The following DSCAM variants were observed in gnomAD, a reference collection of about 807,000 sequenced individuals.
The protein encoded by DSCAM is cell adhesion molecule DSCAM.
In DSCAM, 47 loss-of-function variants were observed where a neutral mutation model predicts 217.7. The observed-to-expected ratio is 0.22, with a 90% CI of 0.17 to 0.28. DSCAM has a LOEUF of 0.28. DSCAM is among the 10% of genes least tolerant of loss of function. The pLI is 1.00. For synonymous variants in DSCAM, 1,056 were observed against 1,015.3 expected, an observed-to-expected ratio of 1.04 and a Z score of -0.76; for missense variants, 2,080 against 2,618.3, an observed-to-expected ratio of 0.79 and a Z score of 4.49.
At chr21:40,244,803 C>T (rs1332802550) in intron 11 of DSCAM, among the ~76,000 whole-genome samples, 3 of 152,128 alleles carry the variant, frequency 2.0e-5, no homozygotes, top group African/African-American at 7.2e-5. Flanking sequence ...CTCCAGAAGC[C>T]AGGGGGTGGG....
At position 40,780,103 on chromosome 21, in the gene DSCAM, C is replaced by A. The variant is rs189978366; in HGVS notation, c.43+66516G>T. Among the ~76,000 whole-genome samples, 139 of 152,228 alleles carry A rather than the reference C, an allele frequency of 9.1e-4. 1 individual carries two copies. The highest frequency in any genetic ancestry group is 1.7e-3 in the Non-Finnish European group (117 of 68,006). ...TAACAATCGCAGATGTAGATGTCAT[C>A]GTCTCCATTTGAATGTCAAGGAAGC... On this transcript the variant is annotated intron_variant, in intron 1 of 32. Coordinates refer to ENST00000400454, the MANE Select transcript of DSCAM (RefSeq NM_001389.5).
At chr21:40,584,769 C>T (rs1216296059) in intron 3 of DSCAM, among the ~76,000 whole-genome samples, 1 of 152,098 alleles carries the variant, frequency 6.6e-6, no homozygotes, top group East Asian at 1.9e-4. Context: ...TGTCAAAAAT[C>T]CATCTTGGTG....
chr21:40,785,751 T>C (rs1174433540), intron 1 of DSCAM, among the ~76,000 whole-genome samples: 3 of 152,186 alleles, frequency 2.0e-5, no homozygotes, highest in Non-Finnish European at 2.9e-5. Flanking sequence ...AGAAAAGCCA[T>C]GGGCATTGGG....
chr21:40,631,809 T>G (rs1231378120), intron 3 of DSCAM, among the ~76,000 whole-genome samples: 1 of 152,172 alleles, frequency 6.6e-6, no homozygotes, highest in Non-Finnish European at 1.5e-5. Flanking sequence ...TCACTCCCCA[T>G]GAGGCTTCCC....
Position 40,189,177 on chromosome 21 carries a change from C to T in DSCAM, c.2418G>A (p.Glu806=), listed in dbSNP as rs1938683243. ...TCTCACCATGCGCCGTGCAGCTCAT[C>T]TCCTTTTTCTGCCCCTGCGTGGCCA... is the stretch of plus-strand genomic sequence containing the variant. ...TTLATQGQKK[E]MSCTAHGEKP... is the part of the protein sequence containing the mutation. Residue 806 remains glutamate, a synonymous_variant, in exon 12 of 33, where the codon GAG becomes GAA. Transcript: ENST00000400454. The T allele has an allele frequency of 1.9e-6, 3 of 1,613,274 alleles. No individual in the cohort carries two copies. The highest frequency in any genetic ancestry group is 2.2e-5 in the South Asian group (2 of 90,818).
chr21:40,479,976 T>C (rs996059874), intron 3 of DSCAM, among the ~76,000 whole-genome samples: 1 of 152,164 alleles, frequency 6.6e-6, no homozygotes, highest in Non-Finnish European at 1.5e-5. Context: ...GATAGCAACA[T>C]GTATGAGATT....
chr21:40,388,212 A>C (rs963456352), intron 3 of DSCAM, among the ~76,000 whole-genome samples: 1 of 152,218 alleles, frequency 6.6e-6, no homozygotes, highest in African/African-American at 2.4e-5. Flanking sequence ...AATTGTACTC[A>C]ATAATGAGAT....
chr21:40,238,238 T>C (rs1355182313), intron 11 of DSCAM, among the ~76,000 whole-genome samples: 1 of 152,130 alleles, frequency 6.6e-6, no homozygotes, highest in African/African-American at 2.4e-5. Context: ...GAAAGTGGAA[T>C]GGGAATCTGC....
At chr21:40,654,942 C>A (rs1482643146) in intron 3 of DSCAM, among the ~76,000 whole-genome samples, 1 of 152,156 alleles carries the variant, frequency 6.6e-6, no homozygotes, top group East Asian at 1.9e-4. Flanking sequence ...CCAGATTTTC[C>A]ACCAGGGGTT....
intron 10 of DSCAM, among the ~76,000 whole-genome samples, chr21:40,293,365 A>G (rs1391353986): frequency 6.6e-6 from 1 of 152,146 alleles, no homozygotes; most frequent in Non-Finnish European, 1.5e-5. Context: ...CTTGGTGGCC[A>G]TCGTTTGAGG....
At chr21:40,312,060 G>A (rs1377945141) in intron 9 of DSCAM, 21 bp downstream of exon 9, 1 of 1,602,902 alleles carries the variant, frequency 6.2e-7, no homozygotes, top group East Asian at 2.3e-5. Flanking sequence ...GATGCCACAT[G>A]GCTCATGATC....
At chr21:40,574,706 ATTTTTTTTTT>A (rs35778831) in intron 3 of DSCAM, among the ~76,000 whole-genome samples, 2 of 127,648 alleles carry the variant, frequency 1.6e-5, no homozygotes, top group Admixed American at 1.6e-4. Flanking sequence ...AAGGTGCCTG[ATTTTTTTTTT>A]TTTTTTTTTT....
At chr21:40,329,711 A>G (rs988054395) in intron 8 of DSCAM, among the ~76,000 whole-genome samples, 1 of 152,008 alleles carries the variant, frequency 6.6e-6, no homozygotes, top group Non-Finnish European at 1.5e-5. Flanking sequence ...ATTCAACCTT[A>G]AGAAAGAGTG....
chr21:40,272,075 A>ATT (rs35320680), intron 11 of DSCAM, among the ~76,000 whole-genome samples: 36 of 145,410 alleles, frequency 2.5e-4, no homozygotes, highest in South Asian at 2.2e-3. Flanking sequence ...TGACAGAGCT[A>ATT]TTTTTTTTTT....
chr21:40,819,359 C>T (rs2091908344), intron 1 of DSCAM, among the ~76,000 whole-genome samples: 1 of 152,220 alleles, frequency 6.6e-6, no homozygotes, highest in Non-Finnish European at 1.5e-5. Flanking sequence ...CCATGTGAAC[C>T]TTCCCCAGAC....
chr21:40,371,272 T>C (rs1240885708), intron 3 of DSCAM, among the ~76,000 whole-genome samples: 1 of 152,172 alleles, frequency 6.6e-6, no homozygotes, highest in East Asian at 1.9e-4. Flanking sequence ...CTTTTACCAC[T>C]TGTCATGTGT....
intron 3 of DSCAM, among the ~76,000 whole-genome samples, chr21:40,605,469 G>A (rs1013979688): frequency 2.6e-5 from 4 of 152,238 alleles, no homozygotes; most frequent in Middle Eastern, 3.4e-3. Context: ...TTTTTCTTAC[G>A]AAGGGCCAAA....
At chr21:40,582,579 G>A (rs184557288) in intron 3 of DSCAM, among the ~76,000 whole-genome samples, 252 of 152,224 alleles carry the variant, frequency 1.7e-3, no homozygotes, top group African/African-American at 5.6e-3. Context: ...AAGCATACAA[G>A]GAGAGATAGC....
At chr21:40,394,286 T>C (rs1037914441) in intron 3 of DSCAM, among the ~76,000 whole-genome samples, 8 of 152,204 alleles carry the variant, frequency 5.3e-5, no homozygotes, top group Non-Finnish European at 1.0e-4. Context: ...CCCTAACCCT[T>C]TTTATTAGTT....
Sources: allele counts gnomAD v4.1 joint callset (sites outside exome capture counted in the v4.1 genomes callset), GRCh38; gene constraint gnomAD v4.1.1; transcripts MANE v1.5; gene names NCBI Gene and HGNC (gene_info 2026-07-23, HGNC 2026-07-21).